Variants in CSMD1 observed in about 807,000 individuals in gnomAD.
CSMD1 encodes the protein CUB and sushi domain-containing protein 1.
CSMD1 carries 213 observed loss-of-function variants against 417.5 expected under a neutral mutation model. The observed-to-expected ratio is 0.51, with a 90% CI of 0.46 to 0.57. The LOEUF is 0.57. Ranked by LOEUF, CSMD1 falls within the 20% of genes least tolerant of loss-of-function variation. The pLI is 0.00. For synonymous variants in CSMD1, 2,862 were observed against 1,736.8 expected (o/e 1.65, Z -16.11); for missense variants, 6,923 against 4,529.7 (o/e 1.53, Z -15.17).
intron 4 of CSMD1, among the ~76,000 whole-genome samples, chr8:4,009,261 A>G (rs1184806335): frequency 1.3e-5 from 2 of 152,176 alleles, no homozygotes; most frequent in African/African-American, 2.4e-5. Flanking sequence ...GTAATTTCAG[A>G]CTTTTTAAAA....
At chr8:3,521,845 A>G (rs1797523190) in intron 10 of CSMD1, among the ~76,000 whole-genome samples, 2 of 152,200 alleles carry the variant, frequency 1.3e-5, no homozygotes, top group South Asian at 2.1e-4. Context: ...GTATATTATC[A>G]TACTATCTAT....
chr8:4,824,415 C>T lies in CSMD1; in HGVS notation c.85+169917G>A, dbSNP rs190467399. Among the ~76,000 whole-genome samples, 213 of 152,160 alleles carry T rather than the reference C, an allele frequency of 1.4e-3. 2 individuals carry two copies. The highest frequency in any genetic ancestry group is 5.0e-3 in the African/African-American group (209 of 41,534). On this transcript the variant is annotated intron_variant, in intron 1 of 69. Transcript: ENST00000635120. ...TGATTAAGTCCCTGAGACCTCTAAG[C>T]TAACATGTGGTTCCGGGTAGAAAAA...
intron 25 of CSMD1, among the ~76,000 whole-genome samples, chr8:3,301,983 C>G (rs779991729): frequency 1.3e-5 from 2 of 151,902 alleles, no homozygotes; most frequent in Admixed American, 6.6e-5. Context: ...TATAATTTAT[C>G]AAAAGAATTC....
chr8:3,346,471 G>A (rs1255835709), intron 22 of CSMD1, among the ~76,000 whole-genome samples: 2 of 152,168 alleles, frequency 1.3e-5, no homozygotes, highest in Non-Finnish European at 2.9e-5. Flanking sequence ...CTAGTTTCCT[G>A]CCTAAAAACC....
chr8:3,842,316 G>A (rs2129094787), intron 5 of CSMD1, among the ~76,000 whole-genome samples: 1 of 151,910 alleles, frequency 6.6e-6, no homozygotes, highest in Admixed American at 6.6e-5. Flanking sequence ...AGTTTCTATT[G>A]GTACACTCTG....
chr8:4,329,178 G>C (rs1420930426), intron 3 of CSMD1, among the ~76,000 whole-genome samples: 1 of 152,288 alleles, frequency 6.6e-6, no homozygotes, highest in African/African-American at 2.4e-5. Context: ...GCCCATAATG[G>C]AGAATAACAA....
intron 3 of CSMD1, among the ~76,000 whole-genome samples, chr8:4,177,557 G>T (rs1308316586): frequency 6.6e-6 from 1 of 151,980 alleles, no homozygotes; most frequent in Non-Finnish European, 1.5e-5. Flanking sequence ...AAAGCTAGCA[G>T]AAGGCAAGAA....
At chr8:3,207,836 T>C (rs111506075) in intron 30 of CSMD1, among the ~76,000 whole-genome samples, 20 of 152,292 alleles carry the variant, frequency 1.3e-4, no homozygotes, top group African/African-American at 4.8e-4. Flanking sequence ...TCTAAAACAC[T>C]TCTATTTAGG....
At chr8:3,070,449 C>G (rs968914855) in intron 49 of CSMD1, among the ~76,000 whole-genome samples, 8 of 152,290 alleles carry the variant, frequency 5.3e-5, no homozygotes, top group Admixed American at 2.6e-4. Flanking sequence ...GCAGCCAGGC[C>G]ACATCTTGAA....
At chr8:4,805,119 G>T (rs187135591) in intron 1 of CSMD1, among the ~76,000 whole-genome samples, 7 of 152,200 alleles carry the variant, frequency 4.6e-5, no homozygotes, top group Non-Finnish European at 8.8e-5. Flanking sequence ...TATAAAATGA[G>T]GTATAGACCT....
chr8:4,439,803 G>C (rs1168073158), intron 2 of CSMD1, among the ~76,000 whole-genome samples: 3 of 152,148 alleles, frequency 2.0e-5, no homozygotes, highest in Admixed American at 2.0e-4. Context: ...GAGAAGAGAT[G>C]TAAATTCAGG....
chr8:3,858,357 G>T (rs938733289), intron 5 of CSMD1, among the ~76,000 whole-genome samples: 1 of 152,070 alleles, frequency 6.6e-6, no homozygotes, highest in East Asian at 1.9e-4. Flanking sequence ...AATATTTCAT[G>T]CTTGACCTTG....
At chr8:4,040,837 G>A (rs969459302) in intron 3 of CSMD1, among the ~76,000 whole-genome samples, 3 of 151,850 alleles carry the variant, frequency 2.0e-5, no homozygotes, top group Non-Finnish European at 4.4e-5. Context: ...TAGCAGCTCC[G>A]GACAATCGAA....
chr8:3,807,421 C>A (rs1253436792), intron 5 of CSMD1, among the ~76,000 whole-genome samples: 1 of 130,616 alleles, frequency 7.7e-6, no homozygotes, highest in Non-Finnish European at 1.8e-5. Context: ...AGGATGTTTT[C>A]TCTGATTTTT....
At chr8:4,248,418 A>G (rs772423685) in intron 3 of CSMD1, among the ~76,000 whole-genome samples, 2 of 152,212 alleles carry the variant, frequency 1.3e-5, no homozygotes, top group African/African-American at 2.4e-5. Flanking sequence ...ATAAAAGAAG[A>G]GAGCCCGTCC....
intron 3 of CSMD1, among the ~76,000 whole-genome samples, chr8:4,168,853 C>T (rs903569275): frequency 2.0e-5 from 3 of 152,130 alleles, no homozygotes; most frequent in African/African-American, 7.2e-5. Flanking sequence ...GCCTCCACCA[C>T]AGTTGCTTTA....
intron 12 of CSMD1, among the ~76,000 whole-genome samples, chr8:3,438,112 A>C (rs1317805619): frequency 6.6e-6 from 1 of 152,220 alleles, no homozygotes; most frequent in Non-Finnish European, 1.5e-5. Flanking sequence ...AATTATTTGA[A>C]TATTCAGGTC....
chr8:3,382,407 T>A (rs1180306653), intron 18 of CSMD1, among the ~76,000 whole-genome samples: 1 of 144,604 alleles, frequency 6.9e-6, no homozygotes, highest in Non-Finnish European at 1.5e-5. Context: ...TGTTATTATA[T>A]AATATATAAC....
chr8:2,999,694 G>A (rs997308578), intron 53 of CSMD1, among the ~76,000 whole-genome samples: 1 of 152,018 alleles, frequency 6.6e-6, no homozygotes, highest in Non-Finnish European at 1.5e-5. Context: ...CACTTGGCCA[G>A]GGATCCATTT....
Sources: allele counts gnomAD v4.1 joint callset (sites outside exome capture counted in the v4.1 genomes callset), GRCh38; gene constraint gnomAD v4.1.1; transcripts MANE v1.5; gene names NCBI Gene and HGNC (gene_info 2026-07-23, HGNC 2026-07-21).